Variants in PCDHA4 observed in about 807,000 individuals in gnomAD.
The protein encoded by PCDHA4 is protocadherin alpha-4.
Under a neutral mutation model 61.4 loss-of-function variants are expected in PCDHA4, and 49 were observed. That is an observed-to-expected ratio of 0.80 (90% CI 0.63 to 1.01). PCDHA4 has a LOEUF of 1.01. Ranked by LOEUF, PCDHA4 falls within the 50% of genes least tolerant of loss-of-function variation. PCDHA4 has a pLI of 0.00. For synonymous variants in PCDHA4, 590 were observed against 550.3 expected (o/e 1.07, Z -1.01); for missense variants, 1,254 against 1,235.8 (o/e 1.01, Z -0.22).
At chr5:140,918,097 A>C (rs193088313) in intron 1 of PCDHA4, among the ~76,000 whole-genome samples, 2 of 152,192 alleles carry the variant, frequency 1.3e-5, no homozygotes, top group Non-Finnish European at 2.9e-5. Flanking sequence ...CTTTTTATAG[A>C]GATCTTTCAC....
chr5:140,857,140 G>A, intron 1 of PCDHA4: 1 of 1,598,276 alleles, frequency 6.3e-7, no homozygotes, highest in Non-Finnish European at 8.6e-7. Context: ...ATGCTCAAGT[G>A]GGCACCGTCA....
intron 1 of PCDHA4, among the ~76,000 whole-genome samples, chr5:140,925,578 A>G (rs1378824182): frequency 6.6e-6 from 1 of 151,838 alleles, no homozygotes; most frequent in African/African-American, 2.4e-5. Flanking sequence ...GCACACCAAC[A>G]TGGCGCATGT....
intron 1 of PCDHA4, among the ~76,000 whole-genome samples, chr5:140,926,209 T>C (rs553307318): frequency 1.8e-3 from 269 of 152,150 alleles, no homozygotes; most frequent in African/African-American, 6.3e-3. Flanking sequence ...GGGGGGCTCC[T>C]GTTTCCTTAA....
intron 1 of PCDHA4, among the ~76,000 whole-genome samples, chr5:140,905,180 TAA>T (rs2071657008): frequency 6.6e-6 from 1 of 152,224 alleles, no homozygotes; most frequent in Non-Finnish European, 1.5e-5. Flanking sequence ...GTTTTAGATT[TAA>T]GTCTTTGATC....
At chr5:140,813,646 C>CTAA (rs1354512334) in intron 1 of PCDHA4, 2 of 152,114 alleles carry the variant, frequency 1.3e-5, no homozygotes, top group Admixed American at 1.3e-4. Flanking sequence ...TTACTGTGCA[C>CTAA]TAATGTAGAC....
intron 1 of PCDHA4, among the ~76,000 whole-genome samples, chr5:140,963,448 A>G (rs567394961): frequency 1.3e-5 from 2 of 152,370 alleles, no homozygotes; most frequent in Non-Finnish European, 2.9e-5. Flanking sequence ...CTCTGTTGCT[A>G]AAGTATTTCT....
At chr5:140,863,088 CACG>C (rs782667679) in intron 1 of PCDHA4, 19 of 574,542 alleles carry the variant, frequency 3.3e-5, no homozygotes, top group Admixed American at 1.7e-4. Context: ...GCGAGATCAG[CACG>C]ACGAGTACCC....
intron 3 of PCDHA4, among the ~76,000 whole-genome samples, chr5:140,995,529 C>T (rs1191657600): frequency 6.6e-6 from 1 of 152,078 alleles, no homozygotes. Context: ...GAAATCAAAC[C>T]TCAAATAAGG....
intron 1 of PCDHA4, chr5:140,853,041 C>G (rs1158374492): frequency 1.9e-5 from 5 of 267,262 alleles, no homozygotes; most frequent in Non-Finnish European, 3.0e-5. Context: ...ACCATGCCCG[C>G]CTAATTTTTT....
intron 1 of PCDHA4, among the ~76,000 whole-genome samples, chr5:140,909,682 A>G (rs1172515528): frequency 1.3e-5 from 2 of 152,132 alleles, no homozygotes; most frequent in Non-Finnish European, 2.9e-5. Flanking sequence ...CAGGGAGCCA[A>G]TGTGGGGGTT....
At chr5:140,938,427 T>G (rs992312670) in intron 1 of PCDHA4, among the ~76,000 whole-genome samples, 3 of 152,206 alleles carry the variant, frequency 2.0e-5, no homozygotes, top group African/African-American at 7.2e-5. Flanking sequence ...GCAAAAATCC[T>G]TTATCAGATT....
intron 1 of PCDHA4, chr5:140,877,051 G>C (rs1554169275): frequency 1.2e-6 from 2 of 1,612,752 alleles, no homozygotes; most frequent in Non-Finnish European, 1.7e-6. Context: ...AGACCACGAG[G>C]AGCTGGAGCT....
At chr5:140,849,723 G>A (rs1554143223) in intron 1 of PCDHA4, 1 of 1,598,414 alleles carries the variant, frequency 6.3e-7, no homozygotes. Flanking sequence ...GTTGGTGCTG[G>A]ACAGAGCTCT....
At chr5:141,001,261 CTT>C (rs1437571267) in intron 3 of PCDHA4, among the ~76,000 whole-genome samples, 1 of 152,062 alleles carries the variant, frequency 6.6e-6, no homozygotes, top group East Asian at 1.9e-4. Flanking sequence ...GGCGGGCACT[CTT>C]ATGAACTTTT....
chr5:140,968,477 G>T, intron 1 of PCDHA4: 1 of 1,614,112 alleles, frequency 6.2e-7, no homozygotes, highest in Non-Finnish European at 8.5e-7. Flanking sequence ...ATATGTGGTG[G>T]ACATGAATGA....
rs782131323 is a variant in PCDHA4 at position 140,808,836 on chromosome 5, C to T, written c.1649C>T (p.Thr550Met). 6.2e-6 allele frequency: 10 copies of T among 1,613,098 alleles called. No individual in the cohort carries two copies. In the South Asian group the frequency reaches 9.9e-5, roughly 16 times the overall value. ...AGVPPLGSNV[T>M]LQVFVLDEND... is the part of the protein sequence containing the mutation. ...GTGCCACCTCTGGGCAGCAACGTGA[C>T]GCTGCAGGTGTTCGTGCTGGACGAA... Residue 550 changes from threonine (T) to methionine (M), a missense_variant, in exon 1 of 4, where the codon ACG (threonine) becomes ATG (methionine). Physicochemically the swap from Thr to Met is moderately conservative, Grantham distance 81 (BLOSUM62 -1). Coordinates refer to ENST00000530339, the MANE Select transcript of PCDHA4 (RefSeq NM_018907.4).
chr5:140,876,553 G>A, intron 1 of PCDHA4: 2 of 1,614,216 alleles, frequency 1.2e-6, no homozygotes, highest in African/African-American at 2.7e-5. Context: ...CCCTGTGCAA[G>A]AGGATGCTCA....
In PCDHA4 at chr5:140,883,888, T is replaced by G. The variant is rs781919107; in HGVS notation, c.2385+74316T>G. ...AGTTCCAGGTGAGCGCGCGCGACTC[T>G]GGCGTGCCGCCTCTGGGCAGCAACG... On this transcript the variant is annotated intron_variant, in intron 1 of 3. Transcript: ENST00000530339. 33 of 1,612,942 alleles carry G rather than the reference T, an allele frequency of 2.0e-5. No individual in the cohort carries two copies. In the African/African-American group the frequency reaches 2.1e-4, roughly 10 times the overall value.
chr5:140,870,426 C>A (rs574302735), intron 1 of PCDHA4: 1 of 1,614,090 alleles, frequency 6.2e-7, no homozygotes, highest in Non-Finnish European at 8.5e-7. Context: ...CCAGGGTATC[C>A]GTGGAGGTGG....
Sources: gnomAD v4.1 joint callset for allele counts (sites outside exome capture counted in the v4.1 genomes callset) on GRCh38, gnomAD v4.1.1 for gene constraint, MANE v1.5 for transcripts, NCBI Gene and HGNC (gene_info 2026-07-23, HGNC 2026-07-21) for gene names.